SPATA16: variants seen among roughly 807,000 people sequenced by gnomAD.
The protein encoded by SPATA16 is spermatogenesis associated 16, also known as spermatogenesis-associated protein 16.
SPATA16 carries 36 observed loss-of-function variants against 63.3 expected under a neutral mutation model. That is an observed-to-expected ratio of 0.57 (90% confidence interval 0.44 to 0.75). The LOEUF is 0.75. Among genes scored for constraint, SPATA16 ranks in the 30% least tolerant of loss-of-function variants. The probability of loss-of-function intolerance (pLI) is 0.00; values close to 1 mark genes in which losing one functional copy is unlikely to be tolerated. For synonymous variants in SPATA16, 203 were observed against 216.7 expected (o/e 0.94, Z 0.56); for missense variants, 646 against 679.3 (o/e 0.95, Z 0.54).
At chr3:173,074,712 T>C (rs1736748849) in intron 2 of SPATA16, among the ~76,000 whole-genome samples, 1 of 151,770 alleles carries the variant, frequency 6.6e-6, no homozygotes, top group African/African-American at 2.4e-5. Context: ...TGGGGACTGA[T>C]AGATGGGGGA....
intron 6 of SPATA16, among the ~76,000 whole-genome samples, chr3:172,927,657 A>G (rs1732769021): frequency 6.6e-6 from 1 of 152,194 alleles, no homozygotes; most frequent in African/African-American, 2.4e-5. Flanking sequence ...CCAAGATCAC[A>G]CACTGAGCAT....
intron 4 of SPATA16, among the ~76,000 whole-genome samples, chr3:172,994,838 T>C (rs2108262911): frequency 6.6e-6 from 1 of 152,308 alleles, no homozygotes; most frequent in African/African-American, 2.4e-5. Context: ...TCTGTGGGCA[T>C]TTTAACTTTT....
chr3:173,056,704 T>TTAAAAAAAA (rs1736234311), intron 2 of SPATA16, among the ~76,000 whole-genome samples: 3 of 56,458 alleles, frequency 5.3e-5, no homozygotes, highest in African/African-American at 3.5e-4. Flanking sequence ...GACTCTTGTT[T>TTAAAAAAAA]CAAAAAAAAA....
At position 173,107,450 on chromosome 3, in the gene SPATA16, T is replaced by TA. The variant is rs1560125250; in HGVS notation, c.612+9669_612+9670insT. On this transcript the variant is annotated intron_variant, in intron 2 of 10. Transcript: ENST00000351008. ...ACTGAGTGTGATGAAAATCTCTCTC[T>TA]CTCTATTTTTTTTTTTTTTTACTCC... Among the ~76,000 whole-genome samples, 375 of 138,622 alleles carry TA rather than the reference T, an allele frequency of 2.7e-3. 1 individual carries two copies. Among genetic ancestry groups the TA allele is most frequent in the African/African-American group, 0.01 (363 of 35,824 alleles). The allele number at this position is 138,622 out of a possible 152,430, so 90.9% of individuals were successfully genotyped here. A position where few individuals can be genotyped will look rare whatever the true frequency, so the allele number is the denominator to read the frequency against.
chr3:173,043,825 AT>A (rs1171667210), intron 3 of SPATA16, among the ~76,000 whole-genome samples: 1 of 151,866 alleles, frequency 6.6e-6, no homozygotes, highest in South Asian at 2.1e-4. Context: ...GTAAAGATTA[AT>A]TTTTTAACTT....
At chr3:173,112,058 A>G (rs915947251) in intron 2 of SPATA16, among the ~76,000 whole-genome samples, 3 of 152,078 alleles carry the variant, frequency 2.0e-5, no homozygotes, top group African/African-American at 4.8e-5. Flanking sequence ...TTATGATTCA[A>G]TGGTGGTAAT....
chr3:173,056,508 G>A (rs563796012), intron 2 of SPATA16, among the ~76,000 whole-genome samples: 134 of 152,114 alleles, frequency 8.8e-4, no homozygotes, highest in African/African-American at 3.1e-3. Context: ...TTCAAGACCA[G>A]CTTGGCCAAC....
intron 10 of SPATA16, among the ~76,000 whole-genome samples, chr3:172,905,596 G>A (rs1732216340): frequency 6.6e-6 from 1 of 152,148 alleles, no homozygotes; most frequent in African/African-American, 2.4e-5. Context: ...GAGTTGCTAA[G>A]TAACATGTAA....
At chr3:173,031,701 A>G (rs953517235) in intron 3 of SPATA16, among the ~76,000 whole-genome samples, 11 of 152,084 alleles carry the variant, frequency 7.2e-5, no homozygotes, top group African/African-American at 2.7e-4. Flanking sequence ...ACAGAGATTC[A>G]GTGAATCTTA....
intron 5 of SPATA16, among the ~76,000 whole-genome samples, chr3:172,960,875 C>CTCTTTCTTTCTTTCTTTCTTTCTTTCTT (rs57268955): frequency 1.3e-4 from 19 of 142,264 alleles, no homozygotes; most frequent in East Asian, 4.2e-4. Flanking sequence ...CTTTCTTTCT[C>CTCTTTCTTTCTTTCTTTCTTTCTTTCTT]TCTTTCTTTC....
chr3:172,927,447 C>T (rs1284166590), intron 6 of SPATA16, among the ~76,000 whole-genome samples: 1 of 152,174 alleles, frequency 6.6e-6, no homozygotes. Flanking sequence ...TAATCCCAAA[C>T]ATATGTTAGT....
At chr3:172,928,772 A>T (rs28680510) in intron 6 of SPATA16, among the ~76,000 whole-genome samples, 2,277 of 152,306 alleles carry the variant, frequency 0.015, 58 homozygotes, top group African/African-American at 0.053. Context: ...TATTTGACCC[A>T]TTATTAACTT....
chr3:172,952,664 G>A (rs188237707), intron 6 of SPATA16, among the ~76,000 whole-genome samples: 6 of 152,090 alleles, frequency 3.9e-5, no homozygotes, highest in Admixed American at 6.6e-5. Flanking sequence ...AGTTTGGGCC[G>A]GGTGCAGTGG....
At chr3:173,122,787 A>T (rs13099599) in intron 1 of SPATA16, among the ~76,000 whole-genome samples, 33,790 of 151,964 alleles carry the variant, frequency 0.22, 4,551 homozygotes, top group African/African-American at 0.38. Context: ...AAAAGAGGAG[A>T]TGTTGTTTTA....
rs558713900 is a variant in SPATA16, at chr3:173,040,962, CAAAG to C, written c.758+7983_758+7986del. The stretch of plus-strand genomic sequence containing the variant: ...TAATAGTTGTTCCCTACAGTAGAAA[CAAAG>C]GAAGTATAATCTTTGCCCTTTCACA... On this transcript the variant is annotated intron_variant, in intron 3 of 10. Coordinates refer to ENST00000351008, the MANE Select transcript of SPATA16 (RefSeq NM_031955.6). 8.9e-3 allele frequency among the ~76,000 whole-genome samples: 1,356 copies of C among 152,218 alleles called. 16 individuals are homozygous for C. Among genetic ancestry groups the C allele is most frequent in the South Asian group, 0.066 (320 of 4,818 alleles).
intron 4 of SPATA16, among the ~76,000 whole-genome samples, chr3:173,014,631 G>T (rs1444100186): frequency 6.6e-6 from 1 of 152,190 alleles, no homozygotes; most frequent in East Asian, 1.9e-4. Flanking sequence ...TTATTGGAAT[G>T]CTCTGAAGTT....
At chr3:173,121,397 A>G (rs1248383349) in intron 1 of SPATA16, among the ~76,000 whole-genome samples, 2 of 152,178 alleles carry the variant, frequency 1.3e-5, no homozygotes, top group African/African-American at 4.8e-5. Context: ...CAAGCTGAAC[A>G]TCTTGTTTAT....
At chr3:172,909,513 C>T (rs142973644) in intron 10 of SPATA16, among the ~76,000 whole-genome samples, 85 of 152,274 alleles carry the variant, frequency 5.6e-4, no homozygotes, top group African/African-American at 2.0e-3. Flanking sequence ...TATTTTGCCA[C>T]GCTGTTTAAA....
chr3:172,987,455 T>C (rs1409336378), intron 4 of SPATA16, among the ~76,000 whole-genome samples: 1 of 152,214 alleles, frequency 6.6e-6, no homozygotes, highest in Non-Finnish European at 1.5e-5. Flanking sequence ...GCATCAGTTC[T>C]TGGAACATTT....
Sources: gnomAD v4.1 joint callset for allele counts (sites outside exome capture counted in the v4.1 genomes callset) on GRCh38, gnomAD v4.1.1 for gene constraint, MANE v1.5 for transcripts, NCBI Gene and HGNC (gene_info 2026-07-23, HGNC 2026-07-21) for gene names.